EBF3: variants seen among roughly 807,000 people sequenced by gnomAD.
EBF3 encodes the protein EBF transcription factor 3, also known as transcription factor COE3.
Under a neutral mutation model 77.1 loss-of-function variants are expected in EBF3, and 18 were observed. That is an observed-to-expected ratio of 0.23 (90% confidence interval 0.16 to 0.35). EBF3 has a LOEUF of 0.35. EBF3 is among the 10% of genes least tolerant of loss of function. EBF3 has a pLI of 1.00. For synonymous variants in EBF3, 350 were observed against 343.5 expected (o/e 1.02, Z -0.21); for missense variants, 558 against 860.0 (o/e 0.65, Z 4.39).
chr10:129,961,027 G>A (rs146691398), intron 4 of EBF3, among the ~76,000 whole-genome samples: 1 of 152,266 alleles, frequency 6.6e-6, no homozygotes, highest in East Asian at 1.9e-4. Flanking sequence ...GTTTACCACT[G>A]CAGGCATTAA....
At chr10:129,915,856 C>G (rs1855853874) in intron 6 of EBF3, among the ~76,000 whole-genome samples, 1 of 152,210 alleles carries the variant, frequency 6.6e-6, no homozygotes, top group Non-Finnish European at 1.5e-5. Flanking sequence ...GGCTCCAGCT[C>G]TCTGAGAACC....
At chr10:129,909,458 C>T (rs180861592) in intron 6 of EBF3, among the ~76,000 whole-genome samples, 7 of 152,330 alleles carry the variant, frequency 4.6e-5, no homozygotes, top group East Asian at 1.9e-4. Context: ...GACACTCCCT[C>T]GGAACAGCAG....
At chr10:129,875,030 C>T (rs995172856) in intron 7 of EBF3, among the ~76,000 whole-genome samples, 6 of 152,008 alleles carry the variant, frequency 3.9e-5, no homozygotes, top group Admixed American at 3.3e-4. Flanking sequence ...AATAATTAAA[C>T]TAGTTACCTA....
chr10:129,907,584 C>G (rs759239763), intron 6 of EBF3, among the ~76,000 whole-genome samples: 44 of 152,104 alleles, frequency 2.9e-4, no homozygotes, highest in Non-Finnish European at 5.4e-4. Context: ...CCTTCCTGGC[C>G]GCAGCACCAA....
chr10:129,874,619 G>T (rs1281048121), intron 7 of EBF3, among the ~76,000 whole-genome samples: 1 of 152,218 alleles, frequency 6.6e-6, no homozygotes, highest in Non-Finnish European at 1.5e-5. Flanking sequence ...CTTCAGCCCA[G>T]CTCTGACCTG....
chr10:129,850,488 T>A (rs773730439), intron 10 of EBF3, among the ~76,000 whole-genome samples: 16 of 152,178 alleles, frequency 1.1e-4, no homozygotes, highest in South Asian at 2.1e-4. Flanking sequence ...ATGCCAAGAA[T>A]AAGCGCGGCA....
Position 129,856,629 on chromosome 10 carries a change from C to G in EBF3, c.1040-8149G>C, listed in dbSNP as rs148319409. Among the ~76,000 whole-genome samples the G allele has an allele frequency of 6.6e-5, 10 of 152,334 alleles. No homozygotes were observed. The East Asian group carries it at 1.5e-3, about 24-fold the overall frequency. On this transcript the variant is annotated intron_variant, in intron 10 of 16. Transcript: ENST00000440978. ...GGCTGCCCTCCATGCTCTCACTTCTCTACGGCTGTCACTTCTGGGGACCAG... is the reference window on the plus strand; with the variant it reads ...GGCTGCCCTCCATGCTCTCACTTCTGTACGGCTGTCACTTCTGGGGACCAG...
Position 129,867,908 on chromosome 10 carries a change from A to G in EBF3, c.786T>C (p.Thr262=). The change falls in exon 9 of 17, where the codon ACT becomes ACC. Residue 262 remains threonine (T), a synonymous_variant. Coordinates refer to ENST00000440978, the MANE Select transcript of EBF3 (RefSeq NM_001375380.1). ...TGGGACTGATGGCCTTGATGCACGG[A>G]GTGGCTGCTCACACAAGACAGAGAA... ...GTAPSYLENA[T]PCIKAISPSE... is the part of the protein sequence containing the mutation. The G allele has an allele frequency of 6.2e-7, 1 of 1,614,064 alleles. No individual in the cohort carries two copies. The highest frequency in any genetic ancestry group is 8.5e-7 in the Non-Finnish European group (1 of 1,179,988).
intron 10 of EBF3, among the ~76,000 whole-genome samples, chr10:129,854,036 C>T (rs957186263): frequency 2.0e-5 from 3 of 152,074 alleles, no homozygotes; most frequent in Non-Finnish European, 2.9e-5. Context: ...TGTGTGGCCA[C>T]GGAAGACAAA....
chr10:129,856,389 A>C (rs1232321706), intron 10 of EBF3, among the ~76,000 whole-genome samples: 1 of 152,196 alleles, frequency 6.6e-6, no homozygotes, highest in African/African-American at 2.4e-5. Context: ...ATGGAATAAT[A>C]CTCAGCCATG....
At chr10:129,882,615 T>G (rs1853286519) in intron 6 of EBF3, among the ~76,000 whole-genome samples, 1 of 152,228 alleles carries the variant, frequency 6.6e-6, no homozygotes, top group South Asian at 2.1e-4. Context: ...CTGCAAAACC[T>G]GTAAAGGGGG....
At chr10:129,921,493 C>T (rs779722070) in intron 6 of EBF3, among the ~76,000 whole-genome samples, 6 of 152,210 alleles carry the variant, frequency 3.9e-5, no homozygotes, top group Admixed American at 1.3e-4. Context: ...GGGGCCTCAC[C>T]GATCCCTGTG....
chr10:129,916,286 T>C (rs1007374661), intron 6 of EBF3, among the ~76,000 whole-genome samples: 2 of 152,220 alleles, frequency 1.3e-5, no homozygotes, highest in African/African-American at 2.4e-5. Flanking sequence ...TCTGTGACCC[T>C]GGACAAGCCA....
intron 6 of EBF3, among the ~76,000 whole-genome samples, chr10:129,926,723 A>G (rs887432619): frequency 6.6e-6 from 1 of 152,180 alleles, no homozygotes; most frequent in Non-Finnish European, 1.5e-5. Flanking sequence ...GAGAATGGAA[A>G]GAGGGTGCTC....
chr10:129,864,292 G>A lies in EBF3; in HGVS notation c.1039+2849C>T, dbSNP rs959835727. On this transcript the variant is annotated intron_variant, in intron 10 of 16. Transcript: ENST00000440978. This position sits in a 1 kb window ranked among gnomAD's most constrained non-coding sequence, Gnocchi z 4.4. ...CGGCCATGCTGGGAATTGGGGGGAC[G>A]CTGACATCACAGGCTCCGCCACACC... 3.3e-5 allele frequency among the ~76,000 whole-genome samples: 5 copies of A among 152,122 alleles called. No individual in the cohort carries two copies. Among genetic ancestry groups the A allele is most frequent in the East Asian group, 3.9e-4 (2 of 5,178 alleles).
Position 129,934,489 on chromosome 10 carries a change from G to A in EBF3, c.554+22769C>T, listed in dbSNP as rs143076632. Reference sequence around the variant, plus strand: ...GGGACCTGCAGGTGCTCCTTCCCGGGTGGCTCCCCCAGGTCCCCCTCCTGC... The same window carrying A: ...GGGACCTGCAGGTGCTCCTTCCCGGATGGCTCCCCCAGGTCCCCCTCCTGC... On this transcript the variant is annotated intron_variant, in intron 6 of 16. Coordinates refer to ENST00000440978, the MANE Select transcript of EBF3 (RefSeq NM_001375380.1). Among the ~76,000 whole-genome samples, 769 of 152,270 alleles carry A rather than the reference G, an allele frequency of 5.1e-3. 1 individual carries two copies. Among genetic ancestry groups the A allele is most frequent in the Middle Eastern group, 0.017 (5 of 294 alleles).
chr10:129,923,263 G>A (rs1856437894), intron 6 of EBF3, among the ~76,000 whole-genome samples: 1 of 152,186 alleles, frequency 6.6e-6, no homozygotes, highest in Admixed American at 6.5e-5. Context: ...GAAAAAGTGT[G>A]ATGCCCTCCT....
chr10:129,913,795 AC>A (rs1855684878), intron 6 of EBF3, among the ~76,000 whole-genome samples: 1 of 152,104 alleles, frequency 6.6e-6, no homozygotes, highest in Non-Finnish European at 1.5e-5. Context: ...CCCCGTGCCA[AC>A]CCTGCACACA....
At chr10:129,874,783 T>G (rs1185869976) in intron 7 of EBF3, among the ~76,000 whole-genome samples, 1 of 152,170 alleles carries the variant, frequency 6.6e-6, no homozygotes, top group Admixed American at 6.5e-5. Flanking sequence ...ACACCTTCCC[T>G]GCAAGGCCCA....
Sources: gnomAD v4.1 joint callset for allele counts (sites outside exome capture counted in the v4.1 genomes callset) on GRCh38, gnomAD v4.1.1 for gene constraint, Gnocchi (gnomAD v3.1) non-coding constraint, MANE v1.5 for transcripts, NCBI Gene and HGNC (gene_info 2026-07-23, HGNC 2026-07-21) for gene names.